The following FARS2 variants were observed in gnomAD, a reference collection of about 807,000 sequenced individuals.
FARS2 encodes the protein phenylalanine--tRNA ligase, mitochondrial.
In FARS2, 40 loss-of-function variants were observed where a neutral mutation model predicts 46.4. That is an observed-to-expected ratio of 0.86 (90% CI 0.67 to 1.12). FARS2 has a LOEUF of 1.12. Ranked by LOEUF, FARS2 falls within the 50% of genes most tolerant of loss-of-function variation. The pLI, the probability that FARS2 is intolerant of heterozygous loss-of-function variation, is 0.00. For synonymous variants in FARS2, 234 were observed against 214.9 expected (o/e 1.09, Z -0.78); for missense variants, 513 against 567.9 (o/e 0.90, Z 0.98).
intron 4 of FARS2, among the ~76,000 whole-genome samples, chr6:5,463,903 T>C (rs2150306482): frequency 6.6e-6 from 1 of 152,290 alleles, no homozygotes; most frequent in South Asian, 2.1e-4. Flanking sequence ...GGAAAGGCCT[T>C]GTTAAAGTGA....
intron 6 of FARS2, among the ~76,000 whole-genome samples, chr6:5,641,505 C>T (rs1776817702): frequency 6.6e-6 from 1 of 152,098 alleles, no homozygotes; most frequent in Admixed American, 6.6e-5. Context: ...CCATGTTGGC[C>T]AGGCTGGTCT....
rs869089548 is a variant in FARS2 at position 5,503,405 on chromosome 6, CAGAGAG to C, written c.905-41751_905-41746del. Among the ~76,000 whole-genome samples the C allele has an allele frequency of 3.8e-3, 149 of 39,602 alleles. 1 individual carries two copies. The highest frequency in any genetic ancestry group is 7.8e-3 in the East Asian group (20 of 2,578). 26.0% of individuals were successfully genotyped at this position (39,602 alleles called of 152,430 possible). A position where few individuals can be genotyped will look rare whatever the true frequency, so the allele number is the denominator to read the frequency against. On this transcript the variant is annotated intron_variant, in intron 4 of 6. Transcript: ENST00000274680. ...ACACACACACACACACACACACACA[CAGAGAG>C]AGAGAGAGAGAGAGAGAGAGAGATA...
intron 4 of FARS2, among the ~76,000 whole-genome samples, chr6:5,527,588 A>G (rs1232931302): frequency 6.6e-6 from 1 of 152,242 alleles, no homozygotes; most frequent in African/African-American, 2.4e-5. Context: ...AAACTGATAT[A>G]TGAAGAATGC....
intron 4 of FARS2, among the ~76,000 whole-genome samples, chr6:5,485,740 G>A (rs1035738638): frequency 6.6e-6 from 1 of 152,122 alleles, no homozygotes; most frequent in Non-Finnish European, 1.5e-5. Context: ...CTGCAGCTTC[G>A]GTTTGTCAAC....
intron 5 of FARS2, among the ~76,000 whole-genome samples, chr6:5,569,827 T>A (rs1008674235): frequency 2.6e-5 from 4 of 152,156 alleles, no homozygotes; most frequent in Admixed American, 2.6e-4. Flanking sequence ...GGGTTGATGC[T>A]TGGGAATGGC....
chr6:5,439,294 T>TG (rs1454925488), intron 4 of FARS2, among the ~76,000 whole-genome samples: 2 of 152,196 alleles, frequency 1.3e-5, no homozygotes, highest in Non-Finnish European at 1.5e-5. Context: ...CATCCTTTCC[T>TG]GGGCTTTCTC....
At chr6:5,250,946 G>T in the FARS2 span, among the ~76,000 whole-genome samples, 2 of 152,266 alleles carry the variant, frequency 1.3e-5, no homozygotes, top group South Asian at 2.1e-4. Context: ...TCTGTAATAC[G>T]ATATATGACA....
At chr6:5,721,159 A>G (rs549899771) in intron 6 of FARS2, among the ~76,000 whole-genome samples, 2 of 152,378 alleles carry the variant, frequency 1.3e-5, no homozygotes, top group South Asian at 4.1e-4. Flanking sequence ...ATATAATTCT[A>G]TGAAAAATAA....
chr6:5,356,223 CG>C (rs1674276260), intron 1 of FARS2, among the ~76,000 whole-genome samples: 1 of 152,128 alleles, frequency 6.6e-6, no homozygotes. Flanking sequence ...CCGAGGTGGG[CG>C]GATCACTTGA....
chr6:5,758,378 T>A (rs1172879956), intron 6 of FARS2, among the ~76,000 whole-genome samples: 1 of 152,214 alleles, frequency 6.6e-6, no homozygotes, highest in Non-Finnish European at 1.5e-5. Flanking sequence ...GAAGTCTCCC[T>A]TTTATAGTGA....
At chr6:5,682,781 T>C (rs1779099522) in intron 6 of FARS2, among the ~76,000 whole-genome samples, 1 of 152,216 alleles carries the variant, frequency 6.6e-6, no homozygotes, top group South Asian at 2.1e-4. Flanking sequence ...AATAAGTGAA[T>C]AAGTTCATCT....
intron 1 of FARS2, among the ~76,000 whole-genome samples, chr6:5,345,244 C>T (rs1757155527): frequency 6.6e-6 from 1 of 151,884 alleles, no homozygotes; most frequent in Non-Finnish European, 1.5e-5. Context: ...TGCGTCTGTT[C>T]TTCCACCAGA....
chr6:5,733,868 C>T (rs922530242), intron 6 of FARS2, among the ~76,000 whole-genome samples: 9 of 152,308 alleles, frequency 5.9e-5, no homozygotes, highest in African/African-American at 2.2e-4. Context: ...ACTAGCCTCT[C>T]TGGACTTCGT....
At chr6:5,420,717 T>G (rs1195155009) in intron 3 of FARS2, among the ~76,000 whole-genome samples, 1 of 152,208 alleles carries the variant, frequency 6.6e-6, no homozygotes, top group Non-Finnish European at 1.5e-5. Context: ...CCTTCCAAGC[T>G]GCTTCCATAG....
At chr6:5,325,366 A>G (rs1380216917) in intron 1 of FARS2, among the ~76,000 whole-genome samples, 5 of 152,232 alleles carry the variant, frequency 3.3e-5, no homozygotes, top group Admixed American at 3.3e-4. Context: ...AAGTGCACCT[A>G]GCGGGCATGC....
At chr6:5,383,890 A>G (rs976432371) in intron 2 of FARS2, among the ~76,000 whole-genome samples, 1 of 151,572 alleles carries the variant, frequency 6.6e-6, no homozygotes, top group African/African-American at 2.4e-5. Flanking sequence ...GTCCTGTTAT[A>G]TTTTGCCCAC....
At chr6:5,682,491 G>T (rs1779084385) in intron 6 of FARS2, among the ~76,000 whole-genome samples, 1 of 152,206 alleles carries the variant, frequency 6.6e-6, no homozygotes, top group South Asian at 2.1e-4. Context: ...GGGCAGCCTG[G>T]CTCTATCCGA....
chr6:5,559,258 T>A (rs1265405007), intron 5 of FARS2, among the ~76,000 whole-genome samples: 1 of 151,952 alleles, frequency 6.6e-6, no homozygotes, highest in Non-Finnish European at 1.5e-5. Context: ...TAAAAATAAA[T>A]TAGCTGGACA....
intron 5 of FARS2, among the ~76,000 whole-genome samples, chr6:5,557,785 G>C (rs62387183): frequency 0.022 from 3,308 of 152,196 alleles, 56 homozygotes; most frequent in Middle Eastern, 0.044. Flanking sequence ...TTTAATCCTA[G>C]TTAAACATAA....
Sources: allele counts gnomAD v4.1 joint callset (sites outside exome capture counted in the v4.1 genomes callset), GRCh38; gene constraint gnomAD v4.1.1; transcripts MANE v1.5; gene names NCBI Gene and HGNC (gene_info 2026-07-23, HGNC 2026-07-21).